NRG1: variants seen among roughly 807,000 people sequenced by gnomAD.
NRG1 encodes pro-neuregulin-1, membrane-bound isoform.
A neutral mutation model predicts 63.8 loss-of-function variants in NRG1; 18 were observed. That is an observed-to-expected ratio of 0.28 (90% confidence interval 0.19 to 0.42). The LOEUF is 0.42. Ranked by LOEUF, NRG1 falls within the 10% of genes least tolerant of loss-of-function variation. NRG1 has a pLI of 1.00. For missense variants in NRG1, 762 were observed against 814.7 expected (o/e 0.94, Z 0.79); for synonymous variants, 302 against 301.3 (o/e 1.00, Z -0.02).
intron 7 of NRG1, among the ~76,000 whole-genome samples, chr8:32,753,332 C>A (rs185457177): frequency 1.5e-3 from 227 of 152,254 alleles, no homozygotes; most frequent in Non-Finnish European, 2.8e-3. Context: ...ACCTGACCTA[C>A]CTTAGTATAA....
At chr8:32,443,159 T>G (rs564901487) in intron 1 of NRG1, among the ~76,000 whole-genome samples, 85 of 152,148 alleles carry the variant, frequency 5.6e-4, no homozygotes, top group African/African-American at 2.0e-3. Flanking sequence ...TATCAAACTC[T>G]CAAACTTCCT....
At chr8:32,493,124 C>G (rs1474962149) in intron 1 of NRG1, among the ~76,000 whole-genome samples, 3 of 152,190 alleles carry the variant, frequency 2.0e-5, no homozygotes, top group East Asian at 1.9e-4. Context: ...AATTAACAAC[C>G]CTTCTGTGTG....
intron 1 of NRG1, among the ~76,000 whole-genome samples, chr8:32,228,097 GTGAATTTA>G (rs1169607480): frequency 6.6e-6 from 1 of 152,118 alleles, no homozygotes; most frequent in Non-Finnish European, 1.5e-5. Flanking sequence ...TACTGCAACA[GTGAATTTA>G]TCCTTGGATT....
intron 1 of NRG1, among the ~76,000 whole-genome samples, chr8:32,252,756 A>T (rs1405775791): frequency 6.6e-6 from 1 of 152,202 alleles, no homozygotes; most frequent in Non-Finnish European, 1.5e-5. Context: ...CTTGATGGGG[A>T]TAGCATTGAA....
chr8:32,644,777 A>G (rs1588938868), intron 5 of NRG1, among the ~76,000 whole-genome samples: 1 of 151,084 alleles, frequency 6.6e-6, no homozygotes, highest in South Asian at 2.1e-4. Context: ...TTTTCAGTGT[A>G]ACAGCTAGAG....
intron 1 of NRG1, among the ~76,000 whole-genome samples, chr8:32,450,733 T>A (rs1411310309): frequency 5.9e-5 from 9 of 152,158 alleles, no homozygotes; most frequent in African/African-American, 2.2e-4. Context: ...TATTTAATAA[T>A]AAAAAAATGA....
At chr8:32,330,511 T>A (rs1802520596) in intron 1 of NRG1, among the ~76,000 whole-genome samples, 1 of 152,142 alleles carries the variant, frequency 6.6e-6, no homozygotes, top group South Asian at 2.1e-4. Flanking sequence ...TGGAATTCAT[T>A]TGCCAGAGTC....
At chr8:32,278,497 A>T (rs1322275704) in intron 1 of NRG1, among the ~76,000 whole-genome samples, 1 of 152,232 alleles carries the variant, frequency 6.6e-6, no homozygotes, top group Non-Finnish European at 1.5e-5. Context: ...GGACATAGTC[A>T]TGAGGTCATC....
At chr8:32,009,970 C>A (rs368873999) in intron 1 of NRG1, among the ~76,000 whole-genome samples, 2 of 148,388 alleles carry the variant, frequency 1.3e-5, no homozygotes, top group African/African-American at 5.0e-5. Context: ...TGGCAAGGAT[C>A]GACATTTTCT....
At chr8:32,727,235 C>T (rs776105159) in intron 5 of NRG1, among the ~76,000 whole-genome samples, 17 of 152,170 alleles carry the variant, frequency 1.1e-4, no homozygotes, top group Non-Finnish European at 1.9e-4. Flanking sequence ...ATTTCTACCT[C>T]TCATTCTAAA....
Position 32,650,025 on chromosome 8 carries a change from T to C in NRG1, c.502+33140T>C, listed in dbSNP as rs1335147625. 8.5e-5 allele frequency among the ~76,000 whole-genome samples: 13 copies of C among 152,080 alleles called. No individual in the cohort carries two copies. In the East Asian group the frequency reaches 2.5e-3, roughly 29 times the overall value. ...TTCATTGTCCAGAGAAAGAAAAAAA[T>C]GCCCTTTGAAAAACACTTCAACTAA... On this transcript the variant is annotated intron_variant, in intron 5 of 11. Transcript: ENST00000356819.
At position 32,603,323 on chromosome 8, in the gene NRG1, T is replaced by A. The variant is rs368813822; in HGVS notation, c.279-2239T>A. ...TTCGGGGAGTCAGAGTACAACAGCA[T>A]ATTCAAGATGCTGAGAAATCCTGTG... On this transcript the variant is annotated intron_variant, in intron 2 of 11. Coordinates refer to ENST00000356819, the Ensembl canonical transcript of NRG1. 5.9e-5 allele frequency among the ~76,000 whole-genome samples: 9 copies of A among 152,306 alleles called. No individual in the cohort carries two copies. The South Asian group carries it at 1.5e-3, about 25-fold the overall frequency.
At chr8:32,708,048 A>G (rs553219855) in intron 5 of NRG1, among the ~76,000 whole-genome samples, 55 of 152,228 alleles carry the variant, frequency 3.6e-4, no homozygotes, top group African/African-American at 1.3e-3. Flanking sequence ...ATTTGTAATA[A>G]AGTCCTAAAA....
chr8:31,743,249 T>A (rs556514764), intron 1 of NRG1, among the ~76,000 whole-genome samples: 30 of 151,956 alleles, frequency 2.0e-4, no homozygotes, highest in Non-Finnish European at 4.4e-4. Flanking sequence ...ATGGAAAGAA[T>A]AATATTCTGC....
intron 1 of NRG1, among the ~76,000 whole-genome samples, chr8:32,010,102 T>G (rs1814501566): frequency 6.6e-6 from 1 of 152,062 alleles, no homozygotes; most frequent in Admixed American, 6.6e-5. Flanking sequence ...CTGGGCACCT[T>G]CAGCAAACAA....
In NRG1 at chr8:32,654,357, G is replaced by A. The variant is rs535751243; in HGVS notation, c.502+37472G>A. 9.9e-5 allele frequency among the ~76,000 whole-genome samples: 15 copies of A among 152,228 alleles called. No homozygotes were observed. In the South Asian group the frequency reaches 1.7e-3, roughly 17 times the overall value. On this transcript the variant is annotated intron_variant, in intron 5 of 11. Transcript: ENST00000356819. ...AGAGAAGAGAATTTTGGCCAGGTGC[G>A]GTGGCTTACGCCTGTAATCCCAGCA...
intron 1 of NRG1, among the ~76,000 whole-genome samples, chr8:32,254,622 G>A (rs1849477456): frequency 6.6e-6 from 1 of 152,166 alleles, no homozygotes; most frequent in Non-Finnish European, 1.5e-5. Context: ...GAATAAGTGA[G>A]ATGTGGTGCT....
intron 1 of NRG1, among the ~76,000 whole-genome samples, chr8:32,087,182 T>TG (rs1398223131): frequency 6.6e-6 from 1 of 152,152 alleles, no homozygotes; most frequent in Non-Finnish European, 1.5e-5. Flanking sequence ...TTGTTGGAGA[T>TG]GGGGTCTAAT....
intron 1 of NRG1, among the ~76,000 whole-genome samples, chr8:31,764,702 T>C (rs180773442): frequency 2.8e-3 from 430 of 152,312 alleles, no homozygotes; most frequent in African/African-American, 0.01. Flanking sequence ...TTCGAATCCA[T>C]GAACACAATA....
Sources: allele counts gnomAD v4.1 joint callset (sites outside exome capture counted in the v4.1 genomes callset), GRCh38; gene constraint gnomAD v4.1.1; transcripts MANE v1.5; gene names NCBI Gene and HGNC (gene_info 2026-07-23, HGNC 2026-07-21).